The following NXPH1 variants were observed in gnomAD, a reference collection of about 807,000 sequenced individuals.
NXPH1 encodes the protein neurexophilin 1, also known as neurexophilin-1.
In NXPH1, 5 loss-of-function variants were observed where a neutral mutation model predicts 23.7. The ratio of observed to expected loss-of-function variants is 0.21; its 90% CI spans 0.11 to 0.44. The LOEUF is 0.44. NXPH1 is among the 20% of genes least tolerant of loss of function. The pLI, the probability that NXPH1 is intolerant of heterozygous loss-of-function variation, is 0.99. For synonymous variants in NXPH1, 144 were observed against 122.2 expected (o/e 1.18, Z -1.18); for missense variants, 324 against 321.6 (o/e 1.01, Z -0.06).
chr7:8,591,725 T>C lies in NXPH1; in HGVS notation c.54+155958T>C, dbSNP rs191970946. Among the ~76,000 whole-genome samples, 14 of 152,152 alleles carry C rather than the reference T, an allele frequency of 9.2e-5. No homozygotes were observed. The South Asian group carries it at 1.4e-3, about 16-fold the overall frequency. On this transcript the variant is annotated intron_variant, in intron 2 of 2. Coordinates refer to ENST00000405863, the MANE Select transcript of NXPH1 (RefSeq NM_152745.3). ...TTCCCCTGGCACCTAGAAGTGTGTTTTAATGTGGTAGGTACACAAAATATT... is the reference window on the plus strand; with the variant it reads ...TTCCCCTGGCACCTAGAAGTGTGTTCTAATGTGGTAGGTACACAAAATATT...
chr7:8,583,351 T>A (rs751310834), intron 2 of NXPH1, among the ~76,000 whole-genome samples: 1 of 152,248 alleles, frequency 6.6e-6, no homozygotes, highest in Non-Finnish European at 1.5e-5. Flanking sequence ...TTATTAGCTA[T>A]GTGACCTTAG....
intron 2 of NXPH1, among the ~76,000 whole-genome samples, chr7:8,720,964 C>T (rs1477497560): frequency 6.6e-6 from 1 of 152,126 alleles, no homozygotes; most frequent in Non-Finnish European, 1.5e-5. Context: ...GCTGTAGAGT[C>T]ATGACAACTG....
At chr7:8,471,530 A>G (rs1816871784) in intron 2 of NXPH1, among the ~76,000 whole-genome samples, 1 of 152,188 alleles carries the variant, frequency 6.6e-6, no homozygotes. Flanking sequence ...TAAATACAAC[A>G]GCAGACAACC....
At chr7:8,686,106 T>G (rs1358794806) in intron 2 of NXPH1, among the ~76,000 whole-genome samples, 1 of 152,112 alleles carries the variant, frequency 6.6e-6, no homozygotes, top group Non-Finnish European at 1.5e-5. Context: ...TCCTCTCCTA[T>G]CCCAACCGAA....
At chr7:8,443,571 G>A (rs1195030077) in intron 2 of NXPH1, among the ~76,000 whole-genome samples, 1 of 152,264 alleles carries the variant, frequency 6.6e-6, no homozygotes, top group Non-Finnish European at 1.5e-5. Flanking sequence ...GCGCGCAGGG[G>A]TGAGGGAGAG....
At chr7:8,461,253 T>G (rs1215994631) in intron 2 of NXPH1, among the ~76,000 whole-genome samples, 4 of 152,176 alleles carry the variant, frequency 2.6e-5, no homozygotes, top group African/African-American at 9.6e-5. Context: ...TAGGAAGAGA[T>G]TCCAGTTGGC....
intron 2 of NXPH1, among the ~76,000 whole-genome samples, chr7:8,445,764 C>G (rs1218481406): frequency 6.6e-6 from 1 of 152,170 alleles, no homozygotes; most frequent in Non-Finnish European, 1.5e-5. Flanking sequence ...GTGGAGAATT[C>G]TTTTGTTTTC....
intron 2 of NXPH1, among the ~76,000 whole-genome samples, chr7:8,521,875 T>C (rs1366013732): frequency 6.6e-6 from 1 of 151,882 alleles, no homozygotes; most frequent in African/African-American, 2.4e-5. Context: ...TTGAAGGATA[T>C]GGAGATTTGG....
chr7:8,599,490 A>G (rs1342257459), intron 2 of NXPH1, among the ~76,000 whole-genome samples: 5 of 152,052 alleles, frequency 3.3e-5, no homozygotes, highest in African/African-American at 1.2e-4. Flanking sequence ...GGCTTAGTGT[A>G]TGAGGTCTGC....
intron 2 of NXPH1, among the ~76,000 whole-genome samples, chr7:8,474,463 A>G (rs1256606093): frequency 6.6e-6 from 1 of 152,128 alleles, no homozygotes; most frequent in Admixed American, 6.6e-5. Flanking sequence ...TCATGCTACC[A>G]TTTGATTATA....
At chr7:8,514,051 CT>C (rs1034552994) in intron 2 of NXPH1, among the ~76,000 whole-genome samples, 1 of 152,044 alleles carries the variant, frequency 6.6e-6, no homozygotes, top group East Asian at 1.9e-4. Flanking sequence ...CCAATTGTTC[CT>C]TTTTATAAAG....
chr7:8,491,352 A>C (rs189570599), intron 2 of NXPH1, among the ~76,000 whole-genome samples: 4 of 152,140 alleles, frequency 2.6e-5, no homozygotes, highest in African/African-American at 9.6e-5. Context: ...ATTGGCCTTG[A>C]AAAAGGGTAA....
intron 2 of NXPH1, among the ~76,000 whole-genome samples, chr7:8,576,333 T>C (rs1280190799): frequency 6.6e-6 from 1 of 152,126 alleles, no homozygotes. Context: ...GTGAGGAGAA[T>C]GTGGCAATCA....
chr7:8,469,761 T>A (rs1024617006), intron 2 of NXPH1, among the ~76,000 whole-genome samples: 1 of 152,114 alleles, frequency 6.6e-6, no homozygotes, highest in African/African-American at 2.4e-5. Context: ...AAGTCTTCCA[T>A]ATGTATGATA....
chr7:8,462,324 G>T (rs1211381541), intron 2 of NXPH1, among the ~76,000 whole-genome samples: 1 of 152,176 alleles, frequency 6.6e-6, no homozygotes, highest in East Asian at 1.9e-4. Flanking sequence ...TGTCATTACA[G>T]GCGTGAACCA....
At chr7:8,603,924 C>G (rs1009486376) in intron 2 of NXPH1, among the ~76,000 whole-genome samples, 3 of 152,034 alleles carry the variant, frequency 2.0e-5, no homozygotes, top group African/African-American at 7.2e-5. Context: ...TTTAATTCTG[C>G]TAAAAATATC....
chr7:8,712,554 A>G (rs1472916671), intron 2 of NXPH1, among the ~76,000 whole-genome samples: 1 of 152,236 alleles, frequency 6.6e-6, no homozygotes, highest in Non-Finnish European at 1.5e-5. Context: ...ATTTCAATCG[A>G]ATGAGAAAAA....
chr7:8,662,882 C>T (rs956953863), intron 2 of NXPH1, among the ~76,000 whole-genome samples: 4 of 151,984 alleles, frequency 2.6e-5, no homozygotes, highest in African/African-American at 7.2e-5. Context: ...GAAGATGCAA[C>T]AATAAAAGGT....
chr7:8,631,557 G>GT (rs5882181), intron 2 of NXPH1, among the ~76,000 whole-genome samples: 14 of 151,438 alleles, frequency 9.2e-5, no homozygotes, highest in South Asian at 2.1e-4. Flanking sequence ...CATCTATAAG[G>GT]TTTTTTTTTC....
Sources: gnomAD v4.1 joint callset for allele counts (sites outside exome capture counted in the v4.1 genomes callset) on GRCh38, gnomAD v4.1.1 for gene constraint, MANE v1.5 for transcripts, NCBI Gene and HGNC (gene_info 2026-07-23, HGNC 2026-07-21) for gene names.